The following BRINP3 variants were observed in gnomAD, a reference collection of about 807,000 sequenced individuals.
BRINP3 encodes BMP/retinoic acid-inducible neural-specific protein 3.
A neutral mutation model predicts 71.0 loss-of-function variants in BRINP3; 19 were observed. That is an observed-to-expected ratio of 0.27 (90% CI 0.19 to 0.39). BRINP3 has a LOEUF of 0.39. BRINP3 is among the 10% of genes least tolerant of loss of function. The pLI, the probability that BRINP3 is intolerant of heterozygous loss-of-function variation, is 1.00. For synonymous variants in BRINP3, 380 were observed against 337.7 expected, an observed-to-expected ratio of 1.13 and a Z score of -1.37; for missense variants, 959 against 940.8, an observed-to-expected ratio of 1.02 and a Z score of -0.25.
At chr1:190,384,718 A>T (rs577632664) in intron 2 of BRINP3, among the ~76,000 whole-genome samples, 15 of 152,046 alleles carry the variant, frequency 9.9e-5, no homozygotes, top group African/African-American at 3.6e-4. Flanking sequence ...TAGAGAATCA[A>T]ATTAATTCAC....
intron 2 of BRINP3, among the ~76,000 whole-genome samples, chr1:190,449,508 T>C (rs1288478678): frequency 6.6e-6 from 1 of 152,104 alleles, no homozygotes; most frequent in Non-Finnish European, 1.5e-5. Context: ...CTCCCTACTA[T>C]TAACCTCATA....
intron 2 of BRINP3, among the ~76,000 whole-genome samples, chr1:190,415,206 CAAGTTTGTTAAGTAAATA>C (rs1287251187): frequency 3.3e-5 from 5 of 152,084 alleles, no homozygotes; most frequent in Admixed American, 3.3e-4. Flanking sequence ...ATAGCATCTG[CAAGTTTGTTAAGTAAATA>C]AAGTTTGTTA....
chr1:190,106,852 T>C (rs903654758), intron 7 of BRINP3, among the ~76,000 whole-genome samples: 1 of 151,838 alleles, frequency 6.6e-6, no homozygotes, highest in Admixed American at 6.6e-5. Flanking sequence ...AATCAATATA[T>C]TTTTCTTGTT....
chr1:190,404,050 G>C (rs2102372158), intron 2 of BRINP3, among the ~76,000 whole-genome samples: 2 of 152,262 alleles, frequency 1.3e-5, no homozygotes, highest in Middle Eastern at 3.4e-3. Flanking sequence ...AGAGAGCTCA[G>C]GTAATGTTAC....
intron 6 of BRINP3, among the ~76,000 whole-genome samples, chr1:190,212,339 T>C (rs1449187677): frequency 1.3e-5 from 2 of 152,130 alleles, no homozygotes; most frequent in Non-Finnish European, 2.9e-5. Flanking sequence ...TGCTTCCTTC[T>C]AGTAAAGCTT....
At position 190,160,850 on chromosome 1, in the gene BRINP3, A is replaced by G; in HGVS notation, c.1002T>C (p.Tyr334=). ...GCATTATAGTAGATGTGTTGAGGAAATAATTCATAGGTAGCCTTTTCATAA... is the reference window on the plus strand; with the variant it reads ...GCATTATAGTAGATGTGTTGAGGAAGTAATTCATAGGTAGCCTTTTCATAA... ...KLFMKRLPMN[Y]FLNTSTIMHL... The change falls in exon 7 of 8, where the codon TAT becomes TAC. Residue 334 remains tyrosine, a synonymous_variant. Transcript: ENST00000367462. The G allele has an allele frequency of 6.2e-7, 1 of 1,612,654 alleles. No homozygotes were observed. The highest frequency in any genetic ancestry group is 8.5e-7 in the Non-Finnish European group (1 of 1,179,354).
chr1:190,403,054 C>T (rs1672036104), intron 2 of BRINP3, among the ~76,000 whole-genome samples: 2 of 152,152 alleles, frequency 1.3e-5, no homozygotes. Flanking sequence ...AAAAAAGGCA[C>T]TACATTCACA....
chr1:190,146,597 A>G (rs1405826551), intron 7 of BRINP3, among the ~76,000 whole-genome samples: 1 of 152,152 alleles, frequency 6.6e-6, no homozygotes, highest in Non-Finnish European at 1.5e-5. Flanking sequence ...ATTCATTTTC[A>G]TAATAATTTG....
intron 7 of BRINP3, among the ~76,000 whole-genome samples, chr1:190,130,828 C>A (rs556019965): frequency 6.6e-6 from 1 of 151,994 alleles, no homozygotes; most frequent in East Asian, 1.9e-4. Flanking sequence ...CATACTCCTG[C>A]CCCTGCCCCT....
intron 2 of BRINP3, among the ~76,000 whole-genome samples, chr1:190,355,598 T>G (rs997816604): frequency 6.6e-6 from 1 of 151,960 alleles, no homozygotes; most frequent in African/African-American, 2.4e-5. Context: ...TATTAAGTTA[T>G]GAAAATTTTT....
chr1:190,475,795 C>CT (rs1677458218), intron 1 of BRINP3: 1 of 152,196 alleles, frequency 6.6e-6, no homozygotes, highest in Non-Finnish European at 1.5e-5. Flanking sequence ...TACTGACTGT[C>CT]TGTTCCTTAC....
intron 2 of BRINP3, among the ~76,000 whole-genome samples, chr1:190,392,765 T>A (rs1671330677): frequency 6.6e-6 from 1 of 151,554 alleles, no homozygotes; most frequent in African/African-American, 2.4e-5. Flanking sequence ...AACACCTGAG[T>A]ACACTGTAAG....
chr1:190,254,123 T>C (rs1006014420), intron 4 of BRINP3, among the ~76,000 whole-genome samples: 1 of 152,178 alleles, frequency 6.6e-6, no homozygotes, highest in Non-Finnish European at 1.5e-5. Flanking sequence ...TCCATTGGTA[T>C]ATATATCTAA....
intron 6 of BRINP3, among the ~76,000 whole-genome samples, chr1:190,223,409 A>G (rs1657059216): frequency 6.6e-6 from 1 of 151,982 alleles, no homozygotes; most frequent in African/African-American, 2.4e-5. Flanking sequence ...CAAGAAAATA[A>G]ACATATCATT....
chr1:190,433,729 G>C (rs1267954049), intron 2 of BRINP3, among the ~76,000 whole-genome samples: 1 of 152,072 alleles, frequency 6.6e-6, no homozygotes, highest in Non-Finnish European at 1.5e-5. Context: ...GCAATTTTCT[G>C]AAAAGTAGAA....
intron 4 of BRINP3, among the ~76,000 whole-genome samples, chr1:190,249,633 T>C (rs757996845): frequency 1.3e-5 from 2 of 151,852 alleles, no homozygotes; most frequent in African/African-American, 2.4e-5. Flanking sequence ...TCATTTTCAA[T>C]GGAAAGGATT....
rs967550647 is a variant in BRINP3 at position 190,387,915 on chromosome 1, T to A, written c.236+66740A>T. On this transcript the variant is annotated intron_variant, in intron 2 of 7. Coordinates refer to ENST00000367462, the MANE Select transcript of BRINP3 (RefSeq NM_199051.3). ...ATTTCTCCTTTGAATTCTAATAAAT[T>A]TTAAAATTAATAAATCCAAAATTAA... Among the ~76,000 whole-genome samples, 6 of 151,952 alleles carry A rather than the reference T, an allele frequency of 3.9e-5. No individual in the cohort carries two copies. In the South Asian group the frequency reaches 6.2e-4, roughly 16 times the overall value.
intron 6 of BRINP3, among the ~76,000 whole-genome samples, chr1:190,172,020 A>G (rs1313403180): frequency 6.6e-6 from 1 of 151,016 alleles, no homozygotes; most frequent in Non-Finnish European, 1.5e-5. Flanking sequence ...AGAATCGCCT[A>G]TCCCTAGGAG....
At chr1:190,170,911 G>T (rs1438873896) in intron 6 of BRINP3, among the ~76,000 whole-genome samples, 1 of 152,016 alleles carries the variant, frequency 6.6e-6, no homozygotes, top group Non-Finnish European at 1.5e-5. Flanking sequence ...CTCTATCTTA[G>T]TTATTGCTGT....
Sources: allele counts gnomAD v4.1 joint callset (sites outside exome capture counted in the v4.1 genomes callset), GRCh38; gene constraint gnomAD v4.1.1; transcripts MANE v1.5; gene names NCBI Gene and HGNC (gene_info 2026-07-23, HGNC 2026-07-21).